Variants in PIK3C2G observed in about 807,000 individuals in gnomAD.
PIK3C2G encodes phosphatidylinositol 3-kinase C2 domain-containing subunit gamma.
PIK3C2G carries 168 observed loss-of-function variants against 181.1 expected under a neutral mutation model. The observed-to-expected ratio is 0.93, with a 90% CI of 0.82 to 1.05. The LOEUF (loss-of-function observed/expected upper bound fraction) is 1.05. PIK3C2G is among the 50% of genes least tolerant of loss of function. The pLI is 0.00. For synonymous variants in PIK3C2G, 573 were observed against 592.2 expected, an observed-to-expected ratio of 0.97 and a Z score of 0.47; for missense variants, 1,869 against 1,732.8, an observed-to-expected ratio of 1.08 and a Z score of -1.40.
chr12:18,324,931 C>T (rs1227755587), intron 7 of PIK3C2G, 104 bp from the exon 8 acceptor site: 10 of 622,920 alleles, frequency 1.6e-5, no homozygotes, highest in South Asian at 1.0e-4. Context: ...ACCATGCCTA[C>T]GATAGTATCA....
chr12:18,683,188 G>A, the PIK3C2G span: 1 of 1,444,572 alleles, frequency 6.9e-7, no homozygotes, highest in South Asian at 1.1e-5. Context: ...CATTCATTTT[G>A]GCTGTTTTAT....
chr12:18,245,499 A>AG, upstream of PIK3C2G, among the ~76,000 whole-genome samples: 1 of 151,948 alleles, frequency 6.6e-6, no homozygotes, highest in East Asian at 1.9e-4. Flanking sequence ...TTGGGAGGGA[A>AG]AAAAATCTAC....
At position 18,425,039 on chromosome 12, in the gene PIK3C2G, T is replaced by C. The variant is rs1945714776; in HGVS notation, c.2504+1000T>C. ...GGAGAAAAAATGATAATGATGATGC[T>C]GATGATGATTCAGCAGATATGGATG... On this transcript the variant is annotated intron_variant, in intron 18 of 32. Transcript: ENST00000538779. The C allele has an allele frequency of 1.7e-5, 3 of 179,672 alleles. No homozygotes were observed. The South Asian group carries it at 4.2e-4, about 25-fold the overall frequency. The allele number at this position is 179,672 out of a possible 1,614,324, so 11.1% of individuals were successfully genotyped here. A position where few individuals can be genotyped will look rare whatever the true frequency, so the allele number is the denominator to read the frequency against.
At chr12:18,335,279 C>CA (rs1368670377) in intron 8 of PIK3C2G, among the ~76,000 whole-genome samples, 1 of 151,918 alleles carries the variant, frequency 6.6e-6, no homozygotes, top group Admixed American at 6.6e-5. Context: ...CCACTGTTAG[C>CA]AAAAAAACAC....
intron 20 of PIK3C2G, among the ~76,000 whole-genome samples, chr12:18,491,987 T>C (rs1179683107): frequency 6.6e-6 from 1 of 152,220 alleles, no homozygotes; most frequent in Non-Finnish European, 1.5e-5. Flanking sequence ...TGATTCGATT[T>C]AAAATTTATT....
the PIK3C2G span, chr12:18,694,031 T>C: frequency 2.8e-6 from 4 of 1,449,762 alleles, no homozygotes; most frequent in Non-Finnish European, 3.9e-6. Flanking sequence ...AAATGAAGAC[T>C]TCAAAAAATC....
rs534192808 is a variant in PIK3C2G, at chr12:18,512,796, C to G, written c.3323+7335C>G. 2.6e-5 allele frequency among the ~76,000 whole-genome samples: 4 copies of G among 151,900 alleles called. No homozygotes were observed. In the East Asian group the frequency reaches 7.7e-4, roughly 29 times the overall value. ...AGGATGCCTTCAATTTTCTTTTTGT[C>G]TTGCCTAACTGCTCTGGCAACTTCC... On this transcript the variant is annotated intron_variant, in intron 24 of 32. Transcript: ENST00000538779.
At chr12:18,620,923 G>A (rs1948833361) in intron 31 of PIK3C2G, among the ~76,000 whole-genome samples, 1 of 151,908 alleles carries the variant, frequency 6.6e-6, no homozygotes, top group African/African-American at 2.4e-5. Context: ...CTGTTTAGTG[G>A]TACAGGATAA....
chr12:18,469,280 A>C (rs1029340279), intron 18 of PIK3C2G, among the ~76,000 whole-genome samples: 1 of 152,108 alleles, frequency 6.6e-6, no homozygotes, highest in Non-Finnish European at 1.5e-5. Context: ...TTTTACCTAC[A>C]AAGCAGTTTA....
chr12:18,322,198 CA>C (rs1445323087), intron 7 of PIK3C2G, among the ~76,000 whole-genome samples: 1 of 152,044 alleles, frequency 6.6e-6, no homozygotes, highest in Non-Finnish European at 1.5e-5. Flanking sequence ...GCCTGGCCAA[CA>C]CAGTGAAACC....
intron 30 of PIK3C2G, among the ~76,000 whole-genome samples, chr12:18,602,189 G>T (rs185408683): frequency 6.6e-6 from 1 of 152,088 alleles, no homozygotes; most frequent in Non-Finnish European, 1.5e-5. Context: ...ACTGTTGCAG[G>T]GGGGCACGGT....
intron 30 of PIK3C2G, among the ~76,000 whole-genome samples, chr12:18,604,161 T>A (rs1401509951): frequency 1.3e-5 from 2 of 152,086 alleles, no homozygotes; most frequent in African/African-American, 4.8e-5. Context: ...ACCTAACACA[T>A]AAGCATTCAT....
chr12:18,667,433 G>A, the PIK3C2G span, among the ~76,000 whole-genome samples: 2 of 152,132 alleles, frequency 1.3e-5, no homozygotes, highest in Admixed American at 1.3e-4. Flanking sequence ...GGTCTCCAGA[G>A]TCAATATTAT....
chr12:18,397,209 A>C (rs901437482), intron 15 of PIK3C2G, among the ~76,000 whole-genome samples: 2 of 149,098 alleles, frequency 1.3e-5, no homozygotes, highest in African/African-American at 5.0e-5. Flanking sequence ...CTGCTTTCAG[A>C]ATACTTCAGA....
In PIK3C2G at chr12:18,408,618, A is replaced by C. The variant is rs189008514; in HGVS notation, c.2315+8771A>C. ...CAAAAGAAACTATTATCAGAGTGAA[A>C]AAGCAACCTACAGAATGGGAGAAAA... On this transcript the variant is annotated intron_variant, in intron 16 of 32. Transcript: ENST00000538779. 9.3e-3 allele frequency among the ~76,000 whole-genome samples: 1,411 copies of C among 152,218 alleles called. 14 individuals carry two copies. Among genetic ancestry groups the C allele is most frequent in the African/African-American group, 0.027 (1,114 of 41,548 alleles).
intron 13 of PIK3C2G, among the ~76,000 whole-genome samples, chr12:18,374,757 GCAGATCT>G (rs1004993966): frequency 6.6e-6 from 1 of 152,148 alleles, no homozygotes; most frequent in Non-Finnish European, 1.5e-5. Flanking sequence ...GGTCATGGGA[GCAGATCT>G]CATGACTTGG....
chr12:18,570,688 G>A (rs1045263662), intron 29 of PIK3C2G, among the ~76,000 whole-genome samples: 5 of 150,132 alleles, frequency 3.3e-5, no homozygotes, highest in Admixed American at 6.6e-5. Flanking sequence ...CTATAGAGTT[G>A]AATGGTGACT....
At chr12:18,571,941 T>C (rs961891539) in intron 29 of PIK3C2G, among the ~76,000 whole-genome samples, 5 of 150,832 alleles carry the variant, frequency 3.3e-5, no homozygotes, top group African/African-American at 1.2e-4. Flanking sequence ...TTCCATTCTT[T>C]TTTTAAATTT....
the PIK3C2G span, among the ~76,000 whole-genome samples, chr12:18,721,585 T>C: frequency 6.6e-6 from 1 of 152,058 alleles, no homozygotes; most frequent in Admixed American, 6.6e-5. Context: ...ATTGTTTTGG[T>C]AATATTCTCT....
Sources: gnomAD v4.1 joint callset for allele counts (sites outside exome capture counted in the v4.1 genomes callset) on GRCh38, gnomAD v4.1.1 for gene constraint, MANE v1.5 for transcripts, NCBI Gene and HGNC (gene_info 2026-07-23, HGNC 2026-07-21) for gene names.